The following CNTN4 variants were observed in gnomAD, a reference collection of about 807,000 sequenced individuals.
CNTN4 encodes the protein contactin 4.
Under a neutral mutation model 122.5 loss-of-function variants are expected in CNTN4, and 77 were observed. The ratio of observed to expected loss-of-function variants is 0.63; its 90% confidence interval spans 0.52 to 0.76. CNTN4 has a LOEUF of 0.76. CNTN4 is among the 30% of genes least tolerant of loss of function. CNTN4 has a pLI of 0.00. For missense variants in CNTN4, 1,256 were observed against 1,259.1 expected, an observed-to-expected ratio of 1.00 and a Z score of 0.04; for synonymous variants, 512 against 447.0, an observed-to-expected ratio of 1.15 and a Z score of -1.83.
chr3:2,278,777 C>T (rs964485438), intron 2 of CNTN4, among the ~76,000 whole-genome samples: 3 of 149,722 alleles, frequency 2.0e-5, no homozygotes, highest in Non-Finnish European at 4.4e-5. Context: ...CCATTAAACA[C>T]TTCATAATAT....
intron 3 of CNTN4, among the ~76,000 whole-genome samples, chr3:2,459,810 T>G (rs1385385686): frequency 6.6e-6 from 1 of 152,196 alleles, no homozygotes; most frequent in Non-Finnish European, 1.5e-5. Flanking sequence ...ACCAGTGATA[T>G]AAGAGGATGA....
At chr3:2,439,758 A>G (rs1477506410) in intron 3 of CNTN4, among the ~76,000 whole-genome samples, 2 of 152,096 alleles carry the variant, frequency 1.3e-5, no homozygotes, top group African/African-American at 2.4e-5. Context: ...GAGCAATAAA[A>G]CAGAGACAAA....
chr3:2,504,371 T>C (rs749263026), intron 3 of CNTN4, among the ~76,000 whole-genome samples: 10 of 152,320 alleles, frequency 6.6e-5, no homozygotes, highest in Non-Finnish European at 1.3e-4. Context: ...TTAGTTGATA[T>C]CGGCTTCTGT....
chr3:2,683,376 T>C (rs2675307), intron 4 of CNTN4, among the ~76,000 whole-genome samples: 71,240 of 151,630 alleles, frequency 0.47, 18,838 homozygotes, highest in African/African-American at 0.72. Context: ...TCTCAGCAGC[T>C]TTTATCGAAA....
chr3:2,319,151 A>G (rs2043202024), intron 2 of CNTN4, among the ~76,000 whole-genome samples: 1 of 152,184 alleles, frequency 6.6e-6, no homozygotes, highest in Admixed American at 6.5e-5. Flanking sequence ...GAAAATTAAT[A>G]TTAATCAATA....
chr3:2,104,456 C>T (rs2125098030), intron 2 of CNTN4, among the ~76,000 whole-genome samples: 1 of 152,274 alleles, frequency 6.6e-6, no homozygotes, highest in South Asian at 2.1e-4. Flanking sequence ...TAGAATAGAT[C>T]CTGACTGAGT....
chr3:2,767,738 G>A (rs139005981), intron 6 of CNTN4, among the ~76,000 whole-genome samples: 2 of 152,116 alleles, frequency 1.3e-5, no homozygotes, highest in African/African-American at 4.8e-5. Context: ...CACGTCTTAC[G>A]ATAATAAGAA....
chr3:2,550,806 T>C (rs2078468383), intron 3 of CNTN4, among the ~76,000 whole-genome samples: 1 of 152,120 alleles, frequency 6.6e-6, no homozygotes. Context: ...TGCAGGGACA[T>C]GGATGAAGCT....
intron 13 of CNTN4, among the ~76,000 whole-genome samples, chr3:2,942,825 G>C (rs939069871): frequency 5.3e-5 from 8 of 152,096 alleles, no homozygotes; most frequent in Non-Finnish European, 4.4e-5. Context: ...CAGGAAGCGT[G>C]GTTCCCAAAT....
intron 13 of CNTN4, among the ~76,000 whole-genome samples, chr3:2,972,309 CACAG>C (rs1693000202): frequency 6.6e-6 from 1 of 152,086 alleles, no homozygotes; most frequent in African/African-American, 2.4e-5. Flanking sequence ...CTCATACACA[CACAG>C]ACACATACAC....
chr3:2,535,191 C>A (rs1026205497), intron 3 of CNTN4, among the ~76,000 whole-genome samples: 1 of 152,086 alleles, frequency 6.6e-6, no homozygotes, highest in African/African-American at 2.4e-5. Context: ...TGTACTTCAA[C>A]AAAAATAGAG....
intron 13 of CNTN4, among the ~76,000 whole-genome samples, chr3:2,926,825 A>C (rs574397475): frequency 1.3e-5 from 2 of 152,298 alleles, no homozygotes; most frequent in South Asian, 4.1e-4. Flanking sequence ...AAATGTATTA[A>C]ATTTGTGGTA....
At chr3:2,917,444 T>C (rs2094381020) in intron 12 of CNTN4, among the ~76,000 whole-genome samples, 1 of 151,172 alleles carries the variant, frequency 6.6e-6, no homozygotes, top group Admixed American at 6.6e-5. Flanking sequence ...TATGTATTAC[T>C]TGGGAATTTT....
chr3:2,663,140 A>T (rs962683841), intron 4 of CNTN4, among the ~76,000 whole-genome samples: 2 of 151,984 alleles, frequency 1.3e-5, no homozygotes. Flanking sequence ...AAGACACAAG[A>T]TCATGTGAGC....
At chr3:2,256,868 G>A (rs1426859704) in intron 2 of CNTN4, among the ~76,000 whole-genome samples, 1 of 152,126 alleles carries the variant, frequency 6.6e-6, no homozygotes, top group Non-Finnish European at 1.5e-5. Context: ...TAAGGTAAAA[G>A]TAATTTACAG....
chr3:2,920,698 T>C (rs192452500), intron 12 of CNTN4, among the ~76,000 whole-genome samples: 270 of 152,300 alleles, frequency 1.8e-3, no homozygotes, highest in Non-Finnish European at 3.1e-3. Context: ...AGAGGGGACG[T>C]ATGAAGTTCT....
intron 4 of CNTN4, among the ~76,000 whole-genome samples, chr3:2,573,988 G>A (rs1450551388): frequency 6.6e-6 from 1 of 152,108 alleles, no homozygotes; most frequent in East Asian, 1.9e-4. Context: ...AGGCCGAGGT[G>A]GGTGGATAAC....
At chr3:2,905,817 T>C (rs569848439) in intron 12 of CNTN4, among the ~76,000 whole-genome samples, 1 of 152,358 alleles carries the variant, frequency 6.6e-6, no homozygotes, top group South Asian at 2.1e-4. Flanking sequence ...ATTTAGATTT[T>C]GACAAACACA....
chr3:3,022,723 AAG>A (rs1207419384), intron 14 of CNTN4, among the ~76,000 whole-genome samples: 1 of 152,188 alleles, frequency 6.6e-6, no homozygotes, highest in Non-Finnish European at 1.5e-5. Flanking sequence ...TAGAAAGTAA[AAG>A]AATTTTTTTT....
Sources: gnomAD v4.1 joint callset for allele counts (sites outside exome capture counted in the v4.1 genomes callset) on GRCh38, gnomAD v4.1.1 for gene constraint, MANE v1.5 for transcripts, NCBI Gene and HGNC (gene_info 2026-07-23, HGNC 2026-07-21) for gene names.